KIF2A: variants seen among roughly 807,000 people sequenced by gnomAD.
KIF2A encodes the protein kinesin family member 2A, also known as kinesin-like protein KIF2A.
A neutral mutation model predicts 100.2 loss-of-function variants in KIF2A; 22 were observed. That is an observed-to-expected ratio of 0.22 (90% CI 0.16 to 0.31). The LOEUF (loss-of-function observed/expected upper bound fraction) is 0.31, where lower values mean the gene tolerates loss of function less well. KIF2A is among the 10% of genes least tolerant of loss of function. The probability of loss-of-function intolerance (pLI) is 1.00; values close to 1 mark genes in which losing one functional copy is unlikely to be tolerated. For missense variants in KIF2A, 495 were observed against 898.7 expected (o/e 0.55, Z 5.74); for synonymous variants, 268 against 285.9 (o/e 0.94, Z 0.63).
At chr5:62,327,804 A>C (rs1746452270) in intron 1 of KIF2A, among the ~76,000 whole-genome samples, 1 of 152,210 alleles carries the variant, frequency 6.6e-6, no homozygotes, top group Admixed American at 6.5e-5. Flanking sequence ...CTATCATCAT[A>C]ATCTTCCTGT....
chr5:62,325,839 T>C (rs764392016), intron 1 of KIF2A, among the ~76,000 whole-genome samples: 5 of 152,262 alleles, frequency 3.3e-5, no homozygotes, highest in Admixed American at 6.5e-5. Context: ...TGTACTCATA[T>C]GTTCATTGCA....
chr5:62,324,138 C>G (rs1188324314), intron 1 of KIF2A, among the ~76,000 whole-genome samples: 1 of 152,062 alleles, frequency 6.6e-6, no homozygotes, highest in East Asian at 1.9e-4. Context: ...AATAAAATAC[C>G]TAGGAATACA....
chr5:62,377,644 A>G lies in KIF2A; in HGVS notation c.1912-17A>G. The G allele has an allele frequency of 7.2e-7, 1 of 1,379,650 alleles. No individual in the cohort carries two copies. The highest frequency in any genetic ancestry group is 9.9e-7 in the Non-Finnish European group (1 of 1,006,330). 85.5% of individuals were successfully genotyped at this position (1,379,650 alleles called of 1,614,324 possible). A position where few individuals can be genotyped will look rare whatever the true frequency, so the allele number is the denominator to read the frequency against. On this transcript the variant is annotated splice_polypyrimidine_tract_variant and intron_variant, in intron 18 of 20. Coordinates refer to ENST00000407818, the MANE Select transcript of KIF2A (RefSeq NM_001098511.3). ...ATACACACTATATCATAATTTCTTA[A>G]CTATTTTTATTTTAAGGAAGAAGAA...
chr5:62,335,844 A>G (rs1387666352), intron 1 of KIF2A, among the ~76,000 whole-genome samples: 1 of 152,360 alleles, frequency 6.6e-6, no homozygotes, highest in East Asian at 1.9e-4. Context: ...GATTGAAACA[A>G]AATGGAAGAC....
intron 1 of KIF2A, among the ~76,000 whole-genome samples, chr5:62,343,914 A>C (rs1296352588): frequency 6.6e-6 from 1 of 151,836 alleles, no homozygotes. Flanking sequence ...CTTAAGACAT[A>C]TAGACATCTT....
rs1449098226 is a variant in KIF2A, at chr5:62,386,898, T to C, written c.*1329T>C. Among the ~76,000 whole-genome samples the C allele has an allele frequency of 1.3e-5, 2 of 152,238 alleles. No individual in the cohort carries two copies. Among genetic ancestry groups the C allele is most frequent in the Non-Finnish European group, 2.9e-5 (2 of 68,040 alleles). On this transcript the variant is annotated 3_prime_UTR_variant, in exon 21 of 21. Transcript: ENST00000407818. Reference sequence around the variant, plus strand: ...GATTTGTATATCTCTCTAGGAGTTTTCCCTCAGTTCCCAGGATGGGGTCCA... The same window carrying C: ...GATTTGTATATCTCTCTAGGAGTTTCCCCTCAGTTCCCAGGATGGGGTCCA...
rs746047504 is a variant in KIF2A at position 62,365,342 on chromosome 5, C to T, written c.1567C>T (p.Arg523Cys). 14 of 1,537,150 alleles carry T rather than the reference C, an allele frequency of 9.1e-6. No homozygotes were observed. The highest frequency in any genetic ancestry group is 2.7e-5 in the African/African-American group (2 of 72,908). Residue 523 changes from arginine (R) to cysteine (C), a missense_variant, in exon 15 of 21, where the codon CGT becomes TGT. Arg to Cys is a radical substitution (Grantham distance 180, BLOSUM62 -3). Transcript: ENST00000407818. Reference sequence around the variant, plus strand: ...AGATTCTTTCATAGGTGAAAACTCTCGTACCTGCATGGTAAGTTTATGTTT... The same window carrying T: ...AGATTCTTTCATAGGTGAAAACTCTTGTACCTGCATGGTAAGTTTATGTTT... ...LRDSFIGENSRTCMIATISPG... is the reference protein window; with the variant it reads ...LRDSFIGENSCTCMIATISPG...
intron 3 of KIF2A, among the ~76,000 whole-genome samples, chr5:62,349,860 A>C (rs1327966502): frequency 6.6e-6 from 1 of 152,160 alleles, no homozygotes; most frequent in Non-Finnish European, 1.5e-5. Flanking sequence ...TAATTCCTGA[A>C]TATTTTTGGA....
chr5:62,312,900 C>T (rs1745623169), intron 1 of KIF2A, among the ~76,000 whole-genome samples: 1 of 152,174 alleles, frequency 6.6e-6, no homozygotes, highest in African/African-American at 2.4e-5. Flanking sequence ...GATATCATTA[C>T]CCACTACAAT....
At chr5:62,316,029 G>T (rs982971160) in intron 1 of KIF2A, among the ~76,000 whole-genome samples, 1 of 152,180 alleles carries the variant, frequency 6.6e-6, no homozygotes, top group African/African-American at 2.4e-5. Flanking sequence ...TATTTAATCA[G>T]GCTAACGCTG....
rs1270808757 is a variant in KIF2A, at chr5:62,339,717, T to G, written c.65-7413T>G. 2.7e-5 allele frequency among the ~76,000 whole-genome samples: 4 copies of G among 150,290 alleles called. No individual in the cohort carries two copies. In the East Asian group the frequency reaches 7.8e-4, roughly 29 times the overall value. On this transcript the variant is annotated intron_variant, in intron 1 of 20. Coordinates refer to ENST00000407818, the MANE Select transcript of KIF2A (RefSeq NM_001098511.3). ...TATATTGTAGTGAAAATGAGTTATA[T>G]ACATTTTATATATACAACATAAATG...
intron 1 of KIF2A, among the ~76,000 whole-genome samples, chr5:62,327,887 A>C (rs772003850): frequency 1.3e-5 from 2 of 152,174 alleles, no homozygotes; most frequent in Non-Finnish European, 2.9e-5. Context: ...CTGTTGAAAA[A>C]CATTCCACAA....
At chr5:62,347,850 C>A (rs1337272067) in intron 2 of KIF2A, among the ~76,000 whole-genome samples, 198 bp from the exon 3 acceptor site, 1 of 152,014 alleles carries the variant, frequency 6.6e-6, no homozygotes, top group East Asian at 1.9e-4. Context: ...TCTCAGACTC[C>A]TGGGCTCAAA....
In KIF2A at chr5:62,372,395, C is replaced by T. The variant is rs200194356; in HGVS notation, c.1647-43C>T. ...ATGTGCAATGTGCATTGCTGTCTTT[C>T]AAGAGCATTTTCTTTTAATTTGTTG... On this transcript the variant is annotated intron_variant, in intron 16 of 20. Transcript: ENST00000407818. 4.2e-3 allele frequency: 4,464 copies of T among 1,074,366 alleles called. 14 individuals are homozygous for T. Among genetic ancestry groups the T allele is most frequent in the Non-Finnish European group, 5.7e-3 (4,019 of 705,842 alleles). The allele number at this position is 1,074,366 out of a possible 1,614,324, so 66.6% of individuals were successfully genotyped here. A position where few individuals can be genotyped will look rare whatever the true frequency, so the allele number is the denominator to read the frequency against.
intron 18 of KIF2A, among the ~76,000 whole-genome samples, chr5:62,376,836 A>G: frequency 6.6e-6 from 1 of 152,096 alleles, no homozygotes; most frequent in Admixed American, 6.6e-5. Context: ...AATATATTGT[A>G]TATAGTTGTC....
intron 19 of KIF2A, among the ~76,000 whole-genome samples, chr5:62,378,526 A>G (rs780239804): frequency 1.3e-5 from 2 of 152,226 alleles, no homozygotes; most frequent in Non-Finnish European, 2.9e-5. Flanking sequence ...GTCATTAAAC[A>G]AAGGAACTTC....
intron 1 of KIF2A, among the ~76,000 whole-genome samples, chr5:62,328,314 T>C (rs943268569): frequency 1.2e-5 from 1 of 84,172 alleles, no homozygotes; most frequent in African/African-American, 4.4e-5. Context: ...TTTCTAGTAC[T>C]GTGTGGTTTT....
intron 14 of KIF2A, among the ~76,000 whole-genome samples, chr5:62,364,909 G>A (rs1296075002): frequency 1.3e-5 from 2 of 152,072 alleles, no homozygotes; most frequent in African/African-American, 4.8e-5. Flanking sequence ...AGCCTGGTCA[G>A]CATGGTGAAA....
chr5:62,339,641 CAA>C (rs1561261154), intron 1 of KIF2A, among the ~76,000 whole-genome samples: 1 of 150,276 alleles, frequency 6.7e-6, no homozygotes, highest in East Asian at 2.0e-4. Context: ...AAAAACAACT[CAA>C]ATGTCTGATA....
Sources: gnomAD v4.1 joint callset for allele counts (sites outside exome capture counted in the v4.1 genomes callset) on GRCh38, gnomAD v4.1.1 for gene constraint, MANE v1.5 for transcripts, NCBI Gene and HGNC (gene_info 2026-07-23, HGNC 2026-07-21) for gene names.